KIF16B: variants seen among roughly 807,000 people sequenced by gnomAD.
KIF16B encodes kinesin family member 16B.
A neutral mutation model predicts 156.3 loss-of-function variants in KIF16B; 98 were observed. The observed-to-expected ratio is 0.63, with a 90% CI of 0.53 to 0.74. The LOEUF (loss-of-function observed/expected upper bound fraction) is 0.74, where lower values mean the gene tolerates loss of function less well. KIF16B is among the 30% of genes least tolerant of loss of function. The pLI, the probability that KIF16B is intolerant of heterozygous loss-of-function variation, is 0.00. For synonymous variants in KIF16B, 564 were observed against 583.7 expected, an observed-to-expected ratio of 0.97 and a Z score of 0.49; for missense variants, 1,421 against 1,606.5, an observed-to-expected ratio of 0.88 and a Z score of 1.97.
chr20:16,345,849 C>CAATAGT lies in KIF16B; in HGVS notation c.3622-9840_3622-9835dup, dbSNP rs559462164. Among the ~76,000 whole-genome samples the CAATAGT allele has an allele frequency of 4.6e-5, 7 of 152,176 alleles. No individual in the cohort carries two copies. The South Asian group carries it at 6.2e-4, about 14-fold the overall frequency. The stretch of plus-strand genomic sequence containing the variant: ...AAAGGCTGGTGCTCTTGGGAGAACA[C>CAATAGT]AATAGTCTAATGGGGTATTTTAAGT... On this transcript the variant is annotated intron_variant, in intron 23 of 25. Transcript: ENST00000354981.
chr20:16,527,460 GA>G (rs2069588583), intron 2 of KIF16B, among the ~76,000 whole-genome samples: 1 of 152,232 alleles, frequency 6.6e-6, no homozygotes, highest in Non-Finnish European at 1.5e-5. Context: ...AGATAGATCT[GA>G]CTTGGCCATG....
At chr20:16,299,347 A>G (rs1023248803) in intron 25 of KIF16B, among the ~76,000 whole-genome samples, 18 of 152,094 alleles carry the variant, frequency 1.2e-4, no homozygotes, top group African/African-American at 4.1e-4. Flanking sequence ...TTTTCTACAT[A>G]TTGTCATAAA....
At chr20:16,542,440 A>T (rs2147238730) in intron 1 of KIF16B, among the ~76,000 whole-genome samples, 1 of 152,372 alleles carries the variant, frequency 6.6e-6, no homozygotes, top group South Asian at 2.1e-4. Flanking sequence ...AGAAAAACAA[A>T]ATAATACTCT....
intron 1 of KIF16B, among the ~76,000 whole-genome samples, chr20:16,552,551 A>G (rs982769097): frequency 3.3e-5 from 5 of 151,698 alleles, no homozygotes; most frequent in Non-Finnish European, 5.9e-5. Context: ...GTTAGACCCA[A>G]CCCCCCACCA....
At position 16,437,535 on chromosome 20, in the gene KIF16B, T is replaced by G. The variant is rs531915405; in HGVS notation, c.1303-7553A>C. Among the ~76,000 whole-genome samples the G allele has an allele frequency of 3.3e-5, 5 of 152,116 alleles. No homozygotes were observed. In the South Asian group the frequency reaches 1.0e-3, roughly 32 times the overall value. On this transcript the variant is annotated intron_variant, in intron 12 of 25. Transcript: ENST00000354981. ...GAATGGAAGTGACACCCCTTGAGAG[T>G]CACGGGACAGGTATGTGGATTCTAT...
chr20:16,567,474 G>A lies in KIF16B; in HGVS notation c.47+5755C>T, dbSNP rs542518239. ...TTTGTGTGTTGTGTATTCTCTGATC[G>A]GCATTTCCCTGAGGCCATGGGCTTC... On this transcript the variant is annotated intron_variant, in intron 1 of 25. Coordinates refer to ENST00000354981, the MANE Select transcript of KIF16B (RefSeq NM_024704.5). Among the ~76,000 whole-genome samples the A allele has an allele frequency of 7.6e-4, 116 of 152,180 alleles. 1 individual carries two copies. The highest frequency in any genetic ancestry group is 1.1e-3 in the Non-Finnish European group (78 of 68,008).
intron 24 of KIF16B, among the ~76,000 whole-genome samples, chr20:16,327,655 C>T (rs2063878782): frequency 6.6e-6 from 1 of 152,096 alleles, no homozygotes; most frequent in Non-Finnish European, 1.5e-5. Flanking sequence ...TTTGGATGCT[C>T]ATTGCGCCTC....
intron 12 of KIF16B, among the ~76,000 whole-genome samples, chr20:16,483,556 T>C (rs2068036739): frequency 1.3e-5 from 2 of 152,034 alleles, no homozygotes; most frequent in Admixed American, 6.6e-5. Flanking sequence ...TAAGAGAAAA[T>C]GGAACACATG....
intron 3 of KIF16B, among the ~76,000 whole-genome samples, chr20:16,521,412 G>C (rs1010265399): frequency 6.6e-6 from 1 of 151,752 alleles, no homozygotes; most frequent in African/African-American, 2.4e-5. Context: ...GCAGAAGAAA[G>C]GATATCAGAG....
intron 12 of KIF16B, 138 bp downstream of exon 12, chr20:16,494,153 T>C: frequency 1.6e-6 from 1 of 615,700 alleles, no homozygotes; most frequent in Non-Finnish European, 2.9e-6. Context: ...TCCCATCCCA[T>C]GAAAGTCACT....
At chr20:16,508,142 TA>T in intron 6 of KIF16B, 42 bp from the exon 7 acceptor site, 1 of 1,601,600 alleles carries the variant, frequency 6.2e-7, no homozygotes, top group Non-Finnish European at 8.5e-7. Context: ...CCCCCTAATA[TA>T]TAGGAAATGG....
At chr20:16,340,302 C>T (rs750160913) in intron 23 of KIF16B, among the ~76,000 whole-genome samples, 11 of 152,196 alleles carry the variant, frequency 7.2e-5, no homozygotes, top group Non-Finnish European at 1.2e-4. Flanking sequence ...TCTAAAATTG[C>T]ATCCTCTTTC....
chr20:16,298,404 G>A (rs2063422635), intron 25 of KIF16B, among the ~76,000 whole-genome samples: 1 of 152,178 alleles, frequency 6.6e-6, no homozygotes, highest in Non-Finnish European at 1.5e-5. Flanking sequence ...CTTGTTATTG[G>A]TTTATTCAGG....
chr20:16,478,417 T>C (rs2067880086), intron 12 of KIF16B, among the ~76,000 whole-genome samples: 1 of 152,162 alleles, frequency 6.6e-6, no homozygotes, highest in Non-Finnish European at 1.5e-5. Flanking sequence ...GCTAAACATG[T>C]AATAGTCCCC....
chr20:16,438,111 C>T (rs150386246), intron 12 of KIF16B, among the ~76,000 whole-genome samples: 1 of 152,118 alleles, frequency 6.6e-6, no homozygotes, highest in East Asian at 1.9e-4. Flanking sequence ...TGTGCCACTG[C>T]ATTCCAGCCT....
intron 15 of KIF16B, 120 bp from the exon 16 acceptor site, chr20:16,406,576 A>G: frequency 1.1e-6 from 1 of 900,138 alleles, no homozygotes; most frequent in Non-Finnish European, 1.7e-6. Flanking sequence ...ATAATAAGGG[A>G]AAGCTTTAGT....
At chr20:16,406,570 T>G (rs940086401) in intron 15 of KIF16B, 114 bp from the exon 16 acceptor site, 169 of 941,474 alleles carry the variant, frequency 1.8e-4, no homozygotes, top group Non-Finnish European at 2.5e-4. Flanking sequence ...TATAAAATAA[T>G]AAGGGAAAGC....
chr20:16,452,568 G>A (rs1312604425), intron 12 of KIF16B, among the ~76,000 whole-genome samples: 1 of 152,124 alleles, frequency 6.6e-6, no homozygotes, highest in African/African-American at 2.4e-5. Flanking sequence ...GGGAGCAGTG[G>A]CTCACGCCTG....
chr20:16,566,815 T>G (rs2071272338), intron 1 of KIF16B, among the ~76,000 whole-genome samples: 1 of 152,270 alleles, frequency 6.6e-6, no homozygotes. Context: ...ATGTGCCTAA[T>G]GCAATTAACT....
Sources: allele counts gnomAD v4.1 joint callset (sites outside exome capture counted in the v4.1 genomes callset), GRCh38; gene constraint gnomAD v4.1.1; transcripts MANE v1.5; gene names NCBI Gene and HGNC (gene_info 2026-07-23, HGNC 2026-07-21).